ITPR1: variants seen among roughly 807,000 people sequenced by gnomAD.
The protein encoded by ITPR1 is inositol 1,4,5-trisphosphate receptor type 1.
In ITPR1, 96 loss-of-function variants were observed where a neutral mutation model predicts 318.4. That is an observed-to-expected ratio of 0.30 (90% confidence interval 0.26 to 0.36). The LOEUF (loss-of-function observed/expected upper bound fraction) is 0.36. Among genes scored for constraint, ITPR1 ranks in the 10% least tolerant of loss-of-function variants. The pLI is 1.00. For missense variants in ITPR1, 2,440 were observed against 3,460.2 expected (o/e 0.71, Z 7.40); for synonymous variants, 1,312 against 1,289.9 (o/e 1.02, Z -0.37).
chr3:4,728,038 A>G (rs2125310301), intron 42 of ITPR1, among the ~76,000 whole-genome samples: 1 of 152,286 alleles, frequency 6.6e-6, no homozygotes, highest in Non-Finnish European at 1.5e-5. Flanking sequence ...TGTTTTGAAA[A>G]TCTTTGAAAG....
In ITPR1 at chr3:4,534,616, TCTAA is replaced by T. The variant is rs570280034; in HGVS notation, c.163+13525_163+13528del. ...AGAAAATAAGTTGGGCAATTATTCC[TCTAA>T]CTGAGATTTAAAAGTTCCTTTCTTC... is the stretch of plus-strand genomic sequence containing the variant. On this transcript the variant is annotated intron_variant, in intron 4 of 61. Coordinates refer to ENST00000649015, the MANE Select transcript of ITPR1 (RefSeq NM_001378452.1). Among the ~76,000 whole-genome samples, 6 of 152,358 alleles carry T rather than the reference TCTAA, an allele frequency of 3.9e-5. No homozygotes were observed. In the South Asian group the frequency reaches 8.3e-4, roughly 21 times the overall value.
intron 4 of ITPR1, among the ~76,000 whole-genome samples, chr3:4,527,755 A>G (rs2083097583): frequency 6.6e-6 from 1 of 152,174 alleles, no homozygotes; most frequent in South Asian, 2.1e-4. Flanking sequence ...TCTTGGACCT[A>G]AAGCATGGCC....
At chr3:4,629,458 C>A (rs77869803) in intron 5 of ITPR1, among the ~76,000 whole-genome samples, 103 of 152,228 alleles carry the variant, frequency 6.8e-4, no homozygotes, top group African/African-American at 2.3e-3. Flanking sequence ...TCAGGGTCTG[C>A]AATTATATTT....
At chr3:4,606,454 TGA>T (rs2125091089) in intron 4 of ITPR1, among the ~76,000 whole-genome samples, 1 of 152,076 alleles carries the variant, frequency 6.6e-6, no homozygotes, top group East Asian at 1.9e-4. Flanking sequence ...AAGGTTAAGG[TGA>T]TGCCTGGAAG....
chr3:4,505,805 G>C (rs1466999381), intron 2 of ITPR1, among the ~76,000 whole-genome samples: 2 of 152,184 alleles, frequency 1.3e-5, no homozygotes, highest in Non-Finnish European at 2.9e-5. Context: ...GGTTTTATTA[G>C]GAATAGTGGG....
intron 4 of ITPR1, among the ~76,000 whole-genome samples, chr3:4,620,495 G>A (rs2092584912): frequency 1.3e-5 from 2 of 152,056 alleles, no homozygotes; most frequent in Admixed American, 1.3e-4. Flanking sequence ...CCTTTCCAGG[G>A]TTCTGCAGTG....
chr3:4,837,359 C>G (rs892575458), intron 61 of ITPR1, among the ~76,000 whole-genome samples: 2 of 152,074 alleles, frequency 1.3e-5, no homozygotes, highest in African/African-American at 4.8e-5. Flanking sequence ...TATTTAAATT[C>G]AGCATCCTAG....
chr3:4,836,661 T>A (rs2050939528), intron 60 of ITPR1, 113 bp from the exon 61 acceptor site: 1 of 1,057,552 alleles, frequency 9.5e-7, no homozygotes, highest in Non-Finnish European at 1.2e-6. Flanking sequence ...TAGAAGGAGA[T>A]AACCTAATGA....
intron 20 of ITPR1, among the ~76,000 whole-genome samples, chr3:4,671,243 C>G (rs73110416): frequency 6.6e-6 from 1 of 152,148 alleles, no homozygotes; most frequent in Non-Finnish European, 1.5e-5. Context: ...CCTACCTCTC[C>G]GCTTACCAGT....
chr3:4,505,832 T>A (rs2081356984), intron 2 of ITPR1, among the ~76,000 whole-genome samples: 1 of 152,184 alleles, frequency 6.6e-6, no homozygotes, highest in African/African-American at 2.4e-5. Context: ...ATTGTTGGAG[T>A]TGGCATTGAC....
chr3:4,713,485 T>G (rs947854361), intron 39 of ITPR1, among the ~76,000 whole-genome samples: 1 of 152,230 alleles, frequency 6.6e-6, no homozygotes, highest in South Asian at 2.1e-4. Context: ...TCCTGGAGTT[T>G]CCTGAGTCTC....
At chr3:4,493,813 G>A (rs1045419981) in intron 1 of ITPR1, among the ~76,000 whole-genome samples, 5 of 152,146 alleles carry the variant, frequency 3.3e-5, no homozygotes, top group African/African-American at 1.2e-4. Context: ...CGTGGCTTTG[G>A]GGGCTCCCCA....
chr3:4,687,359 A>G (rs557058016), intron 30 of ITPR1, among the ~76,000 whole-genome samples: 40 of 152,318 alleles, frequency 2.6e-4, no homozygotes, highest in African/African-American at 9.1e-4. Context: ...CTTAATCTTC[A>G]TAACAATCAC....
At chr3:4,783,712 T>G in intron 50 of ITPR1, 104 bp from the exon 51 acceptor site, 1 of 947,468 alleles carries the variant, frequency 1.1e-6, no homozygotes, top group Non-Finnish European at 1.7e-6. Context: ...TTTGGCTTGC[T>G]GCTGGTTATT....
At chr3:4,650,949 G>A (rs2093584651) in intron 10 of ITPR1, among the ~76,000 whole-genome samples, 1 of 152,176 alleles carries the variant, frequency 6.6e-6, no homozygotes, top group Admixed American at 6.5e-5. Context: ...TTCTTTTGTT[G>A]TACACTAAAG....
In ITPR1 at chr3:4,683,834, G is replaced by A. The variant is rs746822200; in HGVS notation, c.3498+36G>A. The A allele has an allele frequency of 6.3e-6, 10 of 1,590,604 alleles. No homozygotes were observed. In the East Asian group the frequency reaches 1.1e-4, roughly 18 times the overall value. ...CACAAGTTATGCTGCCAAAGTGGATGGATGGGCTTCTCGAAACTAGGGAGC... is the reference window on the plus strand; with the variant it reads ...CACAAGTTATGCTGCCAAAGTGGATAGATGGGCTTCTCGAAACTAGGGAGC... On this transcript the variant is annotated intron_variant, in intron 28 of 61. Coordinates refer to ENST00000649015, the MANE Select transcript of ITPR1 (RefSeq NM_001378452.1).
chr3:4,777,889 G>A (rs1332552179), intron 48 of ITPR1, among the ~76,000 whole-genome samples: 8 of 152,038 alleles, frequency 5.3e-5, no homozygotes, highest in African/African-American at 1.9e-4. Flanking sequence ...GGTTAATAAT[G>A]TTGGTTTAAA....
intron 4 of ITPR1, among the ~76,000 whole-genome samples, chr3:4,582,735 A>G (rs2089485922): frequency 6.6e-6 from 1 of 152,108 alleles, no homozygotes; most frequent in South Asian, 2.1e-4. Context: ...CATCTGTTAG[A>G]TTTTTTCTGG....
At position 4,680,706 on chromosome 3, in the gene ITPR1, A is replaced by G. The variant is rs957014371; in HGVS notation, c.3106+15A>G. The G allele has an allele frequency of 4.4e-6, 7 of 1,599,182 alleles. No individual in the cohort carries two copies. The highest frequency in any genetic ancestry group is 1.7e-5 in the Admixed American group (1 of 57,304). ...TAATGTACCAGGTTAGTGATTCAGA[A>G]TGGAATTTCAGCCATAGAATGGGAC... On this transcript the variant is annotated intron_variant, in intron 25 of 61. Coordinates refer to ENST00000649015, the MANE Select transcript of ITPR1 (RefSeq NM_001378452.1).
Sources: gnomAD v4.1 joint callset for allele counts (sites outside exome capture counted in the v4.1 genomes callset) on GRCh38, gnomAD v4.1.1 for gene constraint, MANE v1.5 for transcripts, NCBI Gene and HGNC (gene_info 2026-07-23, HGNC 2026-07-21) for gene names.